DYRK1A: variants seen among roughly 807,000 people sequenced by gnomAD.
DYRK1A encodes dual specificity tyrosine-phosphorylation-regulated kinase 1A.
A neutral mutation model predicts 79.7 loss-of-function variants in DYRK1A; 9 were observed. The ratio of observed to expected loss-of-function variants is 0.11; its 90% confidence interval spans 0.07 to 0.20. DYRK1A has a LOEUF of 0.20. Ranked by LOEUF, DYRK1A falls within the 10% of genes least tolerant of loss-of-function variation. The probability of loss-of-function intolerance (pLI) is 1.00; values close to 1 mark genes in which losing one functional copy is unlikely to be tolerated. For synonymous variants in DYRK1A, 349 were observed against 329.7 expected (o/e 1.06, Z -0.63); for missense variants, 622 against 956.0 (o/e 0.65, Z 4.61).
chr21:37,368,610 C>T (rs183193883), intron 1 of DYRK1A, among the ~76,000 whole-genome samples: 15 of 152,212 alleles, frequency 9.9e-5, no homozygotes, highest in African/African-American at 3.6e-4. Context: ...TCACAAGTGC[C>T]AGGCTCTGTT....
At position 37,472,795 on chromosome 21, in the gene DYRK1A, G is replaced by C. The variant is rs754161665; in HGVS notation, c.122G>C (p.Ser41Thr). Residue 41 changes from serine to threonine, a missense_variant, in exon 3 of 12, where the codon AGT becomes ACT. Ser to Thr is a moderately conservative substitution (Grantham distance 58, BLOSUM62 1). Around this residue, in one of 5 missense-constraint regions of DYRK1A, gnomAD observed 91 missense variants for 113.8 expected, o/e 0.80. Coordinates refer to ENST00000647188, the MANE Select transcript of DYRK1A (RefSeq NM_001347721.2). ...AGQMPHSHQY[S>T]DRRQPNISDQ... ...CAGATGCCCCATTCACATCAGTACA[G>C]TGACCGTCGCCAGCCAAACATAAGT... 3.1e-6 allele frequency: 5 copies of C among 1,611,154 alleles called. No individual in the cohort carries two copies. The South Asian group carries it at 5.5e-5, about 18-fold the overall frequency.
chr21:37,394,414 CG>C (rs2148391486), intron 1 of DYRK1A, among the ~76,000 whole-genome samples: 1 of 152,098 alleles, frequency 6.6e-6, no homozygotes, highest in East Asian at 1.9e-4. Context: ...CATCTTGATA[CG>C]GATCATAAAT....
At position 37,512,651 on chromosome 21, in the gene DYRK1A, A is replaced by C. The variant is rs972994006; in HGVS notation, c.*120A>C. 5 of 1,211,132 alleles carry C rather than the reference A, an allele frequency of 4.1e-6. No individual in the cohort carries two copies. Among genetic ancestry groups the C allele is most frequent in the Non-Finnish European group, 5.7e-6 (5 of 876,882 alleles). 75.0% of individuals were successfully genotyped at this position (1,211,132 alleles called of 1,614,324 possible). On this transcript the variant is annotated 3_prime_UTR_variant, in exon 12 of 12. Transcript: ENST00000647188. ...GATTAACACACTGAACCGCTACAAG[A>C]GGGCAAAGCTGATTTTTTTTTTAAC...
At chr21:37,465,391 G>A (rs1390459376) in intron 2 of DYRK1A, among the ~76,000 whole-genome samples, 1 of 151,946 alleles carries the variant, frequency 6.6e-6, no homozygotes, top group African/African-American at 2.4e-5. Flanking sequence ...AAATCTATTG[G>A]GGAAAAAAAA....
chr21:37,402,535 T>C (rs961830261), intron 1 of DYRK1A, among the ~76,000 whole-genome samples: 1 of 152,216 alleles, frequency 6.6e-6, no homozygotes, highest in African/African-American at 2.4e-5. Flanking sequence ...CAAGATTTTC[T>C]ATTTCTCTGC....
chr21:37,481,707 T>C (rs1027087916), intron 5 of DYRK1A: 2 of 152,160 alleles, frequency 1.3e-5, no homozygotes, highest in African/African-American at 4.8e-5. Context: ...CCTTGTATTT[T>C]TAAAAATATT....
At chr21:37,454,769 T>G (rs1219960086) in intron 2 of DYRK1A, among the ~76,000 whole-genome samples, 1 of 152,148 alleles carries the variant, frequency 6.6e-6, no homozygotes, top group Non-Finnish European at 1.5e-5. Context: ...GAAGTTAAGA[T>G]TATGTGCTGC....
intron 2 of DYRK1A, among the ~76,000 whole-genome samples, chr21:37,466,247 CAT>C (rs1334252593): frequency 2.0e-5 from 3 of 152,168 alleles, no homozygotes; most frequent in East Asian, 1.9e-4. Flanking sequence ...GATATACACA[CAT>C]ATGTGTATGG....
chr21:37,457,852 C>T (rs936003965), intron 2 of DYRK1A, among the ~76,000 whole-genome samples: 1 of 152,176 alleles, frequency 6.6e-6, no homozygotes. Context: ...TCCCCCTTGA[C>T]TGCTGTTGCT....
At chr21:37,462,693 C>G (rs1314720339) in intron 2 of DYRK1A, among the ~76,000 whole-genome samples, 2 of 152,096 alleles carry the variant, frequency 1.3e-5, no homozygotes, top group Non-Finnish European at 2.9e-5. Flanking sequence ...ATTCAGTGGC[C>G]TTGAACTCTT....
chr21:37,485,553 T>C (rs2052828431), intron 5 of DYRK1A, among the ~76,000 whole-genome samples: 1 of 152,216 alleles, frequency 6.6e-6, no homozygotes, highest in Non-Finnish European at 1.5e-5. Flanking sequence ...TTGGAATCAT[T>C]TGGAGTTCCT....
Position 37,472,878 on chromosome 21 carries a change from C to G in DYRK1A, c.205C>G (p.Gln69Glu), listed in dbSNP as rs1555977171. 6.4e-7 allele frequency: 1 copy of G among 1,559,752 alleles called. No individual in the cohort carries two copies. The highest frequency in any genetic ancestry group is 2.3e-5 in the East Asian group (1 of 43,508). ...SDQIQQPLTNQRRMPQTFRDP... is the reference protein window; with the variant it reads ...SDQIQQPLTNERRMPQTFRDP... ...CCAGATTCAGCAACCTCTAACTAACCAGGTAAGTTCATGGAGTATCAGAAA... is the reference window on the plus strand; with the variant it reads ...CCAGATTCAGCAACCTCTAACTAACGAGGTAAGTTCATGGAGTATCAGAAA... The change falls in exon 3 of 12, where the codon CAG becomes GAG. Residue 69 changes from glutamine (Q) to glutamate (E), a missense_variant and splice_region_variant. Physicochemically the swap from Gln to Glu is conservative, Grantham distance 29. This residue lies in a region of DYRK1A where 91 missense variants were observed against 113.8 expected (regional missense o/e 0.80). Coordinates refer to ENST00000647188, the MANE Select transcript of DYRK1A (RefSeq NM_001347721.2).
In DYRK1A at chr21:37,403,634, TAAAAAAA is replaced by T. The variant is rs11349987; in HGVS notation, c.-76-16656_-76-16650del. ...GTGTGCCCCACTATGCTCAGCTAAT[TAAAAAAA>T]AAAAAAAATATATATATATATATGT... On this transcript the variant is annotated intron_variant, in intron 1 of 11. Coordinates refer to ENST00000647188, the MANE Select transcript of DYRK1A (RefSeq NM_001347721.2). 7.4e-3 allele frequency among the ~76,000 whole-genome samples: 880 copies of T among 119,676 alleles called. 11 individuals carry two copies. The highest frequency in any genetic ancestry group is 0.034 in the Middle Eastern group (8 of 238). 78.5% of individuals were successfully genotyped at this position (119,676 alleles called of 152,430 possible).
Position 37,480,865 on chromosome 21 carries a change from AGAAC to A in DYRK1A, c.489+40_489+43del, listed in dbSNP as rs2052615217. 2.0e-6 allele frequency: 3 copies of A among 1,495,242 alleles called. No individual in the cohort carries two copies. In the East Asian group the frequency reaches 6.9e-5, roughly 34 times the overall value. The allele number at this position is 1,495,242 out of a possible 1,614,324, so 92.6% of individuals were successfully genotyped here. On this transcript the variant is annotated intron_variant, in intron 5 of 11. Transcript: ENST00000647188. ...AAATGCTGAATTTCATTAGTTAGAA[AGAAC>A]TTCTTAGTGAATCTTGTTGTTAACA... is the stretch of plus-strand genomic sequence containing the variant.
intron 1 of DYRK1A, among the ~76,000 whole-genome samples, chr21:37,369,931 G>T (rs1288528874): frequency 6.6e-6 from 1 of 152,200 alleles, no homozygotes; most frequent in Admixed American, 6.5e-5. Flanking sequence ...TAACATTTAA[G>T]ATAATTTAAA....
intron 7 of DYRK1A, among the ~76,000 whole-genome samples, chr21:37,491,536 A>G (rs531907384): frequency 2.0e-5 from 3 of 152,310 alleles, no homozygotes; most frequent in African/African-American, 7.2e-5. Flanking sequence ...TAATTTAATC[A>G]TAAGGATTTA....
Position 37,513,928 on chromosome 21 carries a change from A to C in DYRK1A, c.*1397A>C, listed in dbSNP as rs1040420767. On this transcript the variant is annotated 3_prime_UTR_variant, in exon 12 of 12. Coordinates refer to ENST00000647188, the MANE Select transcript of DYRK1A (RefSeq NM_001347721.2). Reference sequence around the variant, plus strand: ...CATTTTTAAATGTCAGTTGAAAATTATGGCTGTACTATTGCTTAAACAAAA... The same window carrying C: ...CATTTTTAAATGTCAGTTGAAAATTCTGGCTGTACTATTGCTTAAACAAAA... 2 of 152,684 alleles carry C rather than the reference A, an allele frequency of 1.3e-5. No homozygotes were observed. The highest frequency in any genetic ancestry group is 4.8e-5 in the African/African-American group (2 of 41,464). The allele number at this position is 152,684 out of a possible 1,614,324, so 9.5% of individuals were successfully genotyped here.
chr21:37,433,694 T>G (rs2050841611), intron 2 of DYRK1A, among the ~76,000 whole-genome samples: 3 of 152,188 alleles, frequency 2.0e-5, no homozygotes, highest in Non-Finnish European at 4.4e-5. Context: ...AAGCCTTGAC[T>G]CGTAGTGTGT....
At chr21:37,462,212 G>A (rs969334826) in intron 2 of DYRK1A, among the ~76,000 whole-genome samples, 8 of 151,998 alleles carry the variant, frequency 5.3e-5, no homozygotes, top group African/African-American at 1.9e-4. Flanking sequence ...GCTTCTTGCT[G>A]TGCCTAGTGA....
Sources: gnomAD v4.1 joint callset for allele counts (sites outside exome capture counted in the v4.1 genomes callset) on GRCh38, gnomAD v4.1.1 for gene constraint, gnomAD v4.1.1 regional missense constraint, MANE v1.5 for transcripts, NCBI Gene and HGNC (gene_info 2026-07-23, HGNC 2026-07-21) for gene names.